Variants in CACNA1C observed in about 807,000 individuals in gnomAD.
CACNA1C encodes the protein calcium voltage-gated channel subunit alpha1 C.
In CACNA1C, 30 loss-of-function variants were observed where a neutral mutation model predicts 229.0. The observed-to-expected ratio is 0.13, with a 90% CI of 0.10 to 0.18. CACNA1C has a LOEUF of 0.18. Ranked by LOEUF, CACNA1C falls within the 10% of genes least tolerant of loss-of-function variation. The pLI is 1.00. For synonymous variants in CACNA1C, 1,114 were observed against 1,132.5 expected (o/e 0.98, Z 0.33); for missense variants, 1,658 against 2,845.0 (o/e 0.58, Z 9.49).
intron 5 of CACNA1C, among the ~76,000 whole-genome samples, chr12:2,484,624 G>A (rs574259649): frequency 3.9e-5 from 6 of 152,228 alleles, no homozygotes; most frequent in South Asian, 4.1e-4. Context: ...ACTGAGGCCC[G>A]TCGAGACACC....
chr12:2,054,067 G>T lies in CACNA1C; in HGVS notation c.49+456G>T, dbSNP rs992710985. Among the ~76,000 whole-genome samples the T allele has an allele frequency of 1.4e-5, 2 of 147,696 alleles. No homozygotes were observed. The highest frequency in any genetic ancestry group is 4.9e-5 in the African/African-American group (2 of 40,930). On this transcript the variant is annotated intron_variant, in intron 1 of 46. Coordinates refer to ENST00000399655, the MANE Select transcript of CACNA1C (RefSeq NM_000719.7). This position sits in a 1 kb window ranked among gnomAD's most constrained non-coding sequence, Gnocchi z 5.5. The stretch of plus-strand genomic sequence containing the variant: ...CGCGCGCGCGCACCCTGCGCCGGCA[G>T]AGCCCGGCGCCCACGGCCGCCCCTG...
intron 3 of CACNA1C, among the ~76,000 whole-genome samples, chr12:2,338,428 CTG>C (rs2096765288): frequency 1.3e-5 from 2 of 152,250 alleles, no homozygotes; most frequent in African/African-American, 2.4e-5. Flanking sequence ...CAGGTCCTGG[CTG>C]TGTGGCTCAG....
chr12:2,427,863 G>A (rs1404223321), intron 3 of CACNA1C, among the ~76,000 whole-genome samples: 1 of 152,036 alleles, frequency 6.6e-6, no homozygotes, highest in Non-Finnish European at 1.5e-5. Context: ...CAAGTGATCT[G>A]CCCATCTCGG....
chr12:2,478,801 CCTT>C (rs1167559743), intron 5 of CACNA1C, among the ~76,000 whole-genome samples: 1 of 152,168 alleles, frequency 6.6e-6, no homozygotes, highest in Non-Finnish European at 1.5e-5. Flanking sequence ...GCACTCTCCT[CCTT>C]CTCCCACCTC....
chr12:2,084,053 T>C (rs1741699338), intron 1 of CACNA1C, among the ~76,000 whole-genome samples: 1 of 152,264 alleles, frequency 6.6e-6, no homozygotes, highest in South Asian at 2.1e-4. Flanking sequence ...ATATCTGTCC[T>C]CCTCTTTGGT....
At chr12:2,314,772 G>A (rs2095605166) in intron 3 of CACNA1C, among the ~76,000 whole-genome samples, 1 of 152,002 alleles carries the variant, frequency 6.6e-6, no homozygotes, top group Non-Finnish European at 1.5e-5. Context: ...TGTCATTGAT[G>A]GATATTTTCT....
At chr12:2,024,051 G>T (rs1445357767) in intron 1 of CACNA1C, among the ~76,000 whole-genome samples, 3 of 152,168 alleles carry the variant, frequency 2.0e-5, no homozygotes, top group Admixed American at 6.5e-5. Flanking sequence ...CATTGTAGGA[G>T]GCTCCCTCTT....
At position 2,108,330 on chromosome 12, in the gene CACNA1C, G is replaced by A. The variant is rs1409066638; in HGVS notation, c.50-6894G>A. Among the ~76,000 whole-genome samples the A allele has an allele frequency of 6.6e-6, 1 of 152,188 alleles. No individual in the cohort carries two copies. The highest frequency in any genetic ancestry group is 1.5e-5 in the Non-Finnish European group (1 of 68,038). ...AGAACAGGCCCCCCGAGGGAACTGC[G>A]GTTCGGGTACAATTATGAGGCTGGG... On this transcript the variant is annotated intron_variant, in intron 1 of 46. Coordinates refer to ENST00000399655, the MANE Select transcript of CACNA1C (RefSeq NM_000719.7). The surrounding 1 kb of genome is among the most constrained non-coding windows in gnomAD (Gnocchi z 5.3).
At chr12:2,050,378 A>C (rs1443322389), upstream of CACNA1C, among the ~76,000 whole-genome samples, 1 of 152,184 alleles carries the variant, frequency 6.6e-6, no homozygotes, top group Admixed American at 6.5e-5. Context: ...ACGATAACAC[A>C]TAGCTTATTG....
intron 9 of CACNA1C, among the ~76,000 whole-genome samples, chr12:2,521,919 T>C (rs1371959952): frequency 2.0e-5 from 3 of 152,098 alleles, no homozygotes; most frequent in Non-Finnish European, 4.4e-5. Context: ...AGCCTGAACA[T>C]CTCTCAGTAT....
chr12:2,036,912 G>A (rs566479158), intron 1 of CACNA1C, among the ~76,000 whole-genome samples: 8 of 152,294 alleles, frequency 5.3e-5, no homozygotes, highest in African/African-American at 1.9e-4. Context: ...AGGAGGATTC[G>A]GGGTACCCTG....
intron 1 of CACNA1C, among the ~76,000 whole-genome samples, chr12:2,093,383 A>G (rs115374984): frequency 0.014 from 2,129 of 152,332 alleles, 44 homozygotes; most frequent in African/African-American, 0.047. Flanking sequence ...GTGAGGCCAC[A>G]TAGTGGAATG....
intron 3 of CACNA1C, among the ~76,000 whole-genome samples, chr12:2,363,943 G>C (rs1024898272): frequency 2.0e-5 from 3 of 152,236 alleles, no homozygotes; most frequent in African/African-American, 7.2e-5. Flanking sequence ...TGGCCGGCCT[G>C]CAGGCCAGGA....
chr12:2,325,165 CTG>C (rs1234850084), intron 3 of CACNA1C, among the ~76,000 whole-genome samples: 3 of 152,188 alleles, frequency 2.0e-5, no homozygotes, highest in Non-Finnish European at 4.4e-5. Flanking sequence ...CTCCTATGCT[CTG>C]TGTGTCACCT....
intron 3 of CACNA1C, among the ~76,000 whole-genome samples, chr12:2,277,362 G>GACACACACACACACACACACACAC (rs59258094): frequency 1.4e-5 from 1 of 72,152 alleles, no homozygotes; most frequent in East Asian, 3.7e-4. Context: ...CAGACAGACA[G>GACACACACACACACACACACACAC]ACACACACAC....
intron 9 of CACNA1C, among the ~76,000 whole-genome samples, chr12:2,536,918 C>T (rs1276307975): frequency 6.6e-6 from 1 of 152,226 alleles, no homozygotes; most frequent in Non-Finnish European, 1.5e-5. Flanking sequence ...ATTAAGATCT[C>T]CATTTCACAC....
chr12:2,157,603 T>G (rs2095618793), intron 3 of CACNA1C, among the ~76,000 whole-genome samples: 1 of 152,208 alleles, frequency 6.6e-6, no homozygotes. Flanking sequence ...GGCCCTAAGA[T>G]CTAGCCAACA....
chr12:2,573,766 A>T (rs897553994), intron 13 of CACNA1C, among the ~76,000 whole-genome samples: 16 of 152,232 alleles, frequency 1.1e-4, no homozygotes, highest in African/African-American at 3.9e-4. Flanking sequence ...TAGTTTCTTT[A>T]AAAAATAAAA....
chr12:2,562,782 A>G, intron 11 of CACNA1C, among the ~76,000 whole-genome samples: 1 of 152,242 alleles, frequency 6.6e-6, no homozygotes. Context: ...TATGAGGTGC[A>G]TGTGATGTTT....
Sources: allele counts gnomAD v4.1 joint callset (sites outside exome capture counted in the v4.1 genomes callset), GRCh38; gene constraint gnomAD v4.1.1; non-coding constraint Gnocchi (gnomAD v3.1); transcripts MANE v1.5; gene names NCBI Gene and HGNC (gene_info 2026-07-23, HGNC 2026-07-21).